NDRG1: variants seen among roughly 807,000 people sequenced by gnomAD.
NDRG1 encodes the protein N-myc downstream regulated 1.
Under a neutral mutation model 56.9 loss-of-function variants are expected in NDRG1, and 32 were observed. The ratio of observed to expected loss-of-function variants is 0.56; its 90% CI spans 0.42 to 0.76. NDRG1 has a LOEUF of 0.76. NDRG1 is among the 30% of genes least tolerant of loss of function. The pLI, the probability that NDRG1 is intolerant of heterozygous loss-of-function variation, is 0.00. For synonymous variants in NDRG1, 211 were observed against 204.1 expected (o/e 1.03, Z -0.29); for missense variants, 507 against 545.7 (o/e 0.93, Z 0.71).
intron 1 of NDRG1, among the ~76,000 whole-genome samples, chr8:133,284,582 C>T (rs1157546381): frequency 6.6e-6 from 1 of 152,204 alleles, no homozygotes; most frequent in African/African-American, 2.4e-5. Context: ...ACCACCCTCC[C>T]AATGAAATGG....
At chr8:133,261,970 A>G (rs1458800438) in intron 5 of NDRG1, 77 bp downstream of exon 5, 1 of 1,507,622 alleles carries the variant, frequency 6.6e-7, no homozygotes, top group East Asian at 2.3e-5. Context: ...AAAGTATTTA[A>G]AAGAGCAAAG....
intron 3 of NDRG1, among the ~76,000 whole-genome samples, chr8:133,266,707 G>A (rs950019917): frequency 1.3e-5 from 2 of 152,186 alleles, no homozygotes; most frequent in Admixed American, 1.3e-4. Context: ...AATTTCATCT[G>A]AGAAACATTC....
At chr8:133,268,899 CCCA>C (rs1476208012) in intron 3 of NDRG1, among the ~76,000 whole-genome samples, 14 of 151,896 alleles carry the variant, frequency 9.2e-5, no homozygotes, top group Admixed American at 5.2e-4. Flanking sequence ...AACAAACACA[CCCA>C]CCAACAAACA....
intron 3 of NDRG1, among the ~76,000 whole-genome samples, chr8:133,269,388 G>T (rs1563631807): frequency 6.6e-6 from 1 of 152,194 alleles, no homozygotes; most frequent in Non-Finnish European, 1.5e-5. Flanking sequence ...CCTCTCACCT[G>T]CTCTGGAAGA....
At chr8:133,264,240 T>C (rs1260828577) in intron 4 of NDRG1, among the ~76,000 whole-genome samples, 1 of 152,244 alleles carries the variant, frequency 6.6e-6, no homozygotes, top group Non-Finnish European at 1.5e-5. Flanking sequence ...AAAATTGTGC[T>C]GATCGTTGCA....
chr8:133,270,752 T>C (rs566809473), intron 3 of NDRG1, among the ~76,000 whole-genome samples: 11 of 152,144 alleles, frequency 7.2e-5, no homozygotes, highest in Non-Finnish European at 1.5e-4. Flanking sequence ...GCTTTCTAGG[T>C]TGGTGAGAAT....
intron 15 of NDRG1, chr8:133,240,659 C>G (rs922741637): frequency 1.3e-5 from 2 of 152,220 alleles, no homozygotes; most frequent in Admixed American, 6.5e-5. Flanking sequence ...CATAGCTCTT[C>G]CTGTTATTTT....
At chr8:133,246,539 C>T in intron 13 of NDRG1, 77 bp downstream of exon 13, 1 of 1,463,812 alleles carries the variant, frequency 6.8e-7, no homozygotes, top group Non-Finnish European at 9.6e-7. Context: ...CTTTTTCAAG[C>T]CTAACTCAAT....
chr8:133,266,592 A>G (rs1437887826), intron 3 of NDRG1, among the ~76,000 whole-genome samples: 2 of 151,426 alleles, frequency 1.3e-5, no homozygotes, highest in East Asian at 3.9e-4. Context: ...TCTGTGAGTG[A>G]CCCCCCGTGA....
chr8:133,284,773 G>A (rs1323287324), intron 1 of NDRG1: 1 of 457,834 alleles, frequency 2.2e-6, no homozygotes, highest in African/African-American at 2.0e-5. Flanking sequence ...TAGGCATAGT[G>A]CAAGCTTCAG....
At chr8:133,267,813 G>A (rs1216154802) in intron 3 of NDRG1, among the ~76,000 whole-genome samples, 2 of 152,200 alleles carry the variant, frequency 1.3e-5, no homozygotes, top group Non-Finnish European at 2.9e-5. Context: ...TGGGAGGGCC[G>A]CCTGCACCCC....
At chr8:133,295,342 C>T (rs188973268) in intron 1 of NDRG1, among the ~76,000 whole-genome samples, 120 of 152,340 alleles carry the variant, frequency 7.9e-4, no homozygotes, top group African/African-American at 2.4e-3. Flanking sequence ...TGCCCAGATG[C>T]AGTGGGAGAC....
At chr8:133,264,794 G>C in intron 3 of NDRG1, 142 bp from the exon 4 acceptor site, 2 of 725,732 alleles carry the variant, frequency 2.8e-6, no homozygotes, top group Non-Finnish European at 4.9e-6. Flanking sequence ...TCGGGCAGCA[G>C]CTCTCTCTGG....
At chr8:133,250,417 G>A (rs1384088748) in intron 10 of NDRG1, 23 bp downstream of exon 10, 14 of 1,590,858 alleles carry the variant, frequency 8.8e-6, no homozygotes, top group Middle Eastern at 3.3e-4. Context: ...TAGCAATGAT[G>A]TGGCTGAACT....
intron 13 of NDRG1, 96 bp downstream of exon 13, chr8:133,246,520 G>T: frequency 8.2e-7 from 1 of 1,217,814 alleles, no homozygotes; most frequent in Non-Finnish European, 1.2e-6. Flanking sequence ...TTCTGATCGT[G>T]TGCCTTGCCT....
chr8:133,292,357 T>C (rs893222007), intron 1 of NDRG1, among the ~76,000 whole-genome samples: 3 of 152,168 alleles, frequency 2.0e-5, no homozygotes, highest in African/African-American at 7.2e-5. Context: ...CCTCCGATCT[T>C]GTCTATGCAA....
chr8:133,273,672 T>C (rs1397154080), intron 3 of NDRG1, among the ~76,000 whole-genome samples: 1 of 152,200 alleles, frequency 6.6e-6, no homozygotes, highest in Non-Finnish European at 1.5e-5. Context: ...ATCTCTACAG[T>C]ACCCTTTGGC....
intron 3 of NDRG1, among the ~76,000 whole-genome samples, chr8:133,274,167 C>T (rs763143307): frequency 1.9e-4 from 29 of 152,318 alleles, no homozygotes; most frequent in Non-Finnish European, 2.6e-4. Context: ...CGCCTAAAGG[C>T]GATGCCAGTG....
intron 3 of NDRG1, among the ~76,000 whole-genome samples, chr8:133,277,465 G>A (rs1423090826): frequency 1.3e-5 from 2 of 152,042 alleles, no homozygotes; most frequent in African/African-American, 2.4e-5. Context: ...CAGGAGGCTG[G>A]GGCATGAGAA....
Sources: gnomAD v4.1 joint callset for allele counts (sites outside exome capture counted in the v4.1 genomes callset) on GRCh38, gnomAD v4.1.1 for gene constraint, MANE v1.5 for transcripts, NCBI Gene and HGNC (gene_info 2026-07-23, HGNC 2026-07-21) for gene names.